Variants in MAP4K4 observed in about 807,000 individuals in gnomAD.
The protein encoded by MAP4K4 is mitogen-activated protein kinase kinase kinase kinase 4.
In MAP4K4, 38 loss-of-function variants were observed where a neutral mutation model predicts 189.6. The observed-to-expected ratio is 0.20, with a 90% CI of 0.15 to 0.26. The LOEUF (loss-of-function observed/expected upper bound fraction) is 0.26. Among genes scored for constraint, MAP4K4 ranks in the 10% least tolerant of loss-of-function variants. The pLI is 1.00. For missense variants in MAP4K4, 1,054 were observed against 1,726.9 expected, an observed-to-expected ratio of 0.61 and a Z score of 6.91; for synonymous variants, 610 against 624.3, an observed-to-expected ratio of 0.98 and a Z score of 0.34.
intron 2 of MAP4K4, among the ~76,000 whole-genome samples, chr2:101,707,478 G>C (rs1352241064): frequency 6.6e-6 from 1 of 152,006 alleles, no homozygotes; most frequent in Non-Finnish European, 1.5e-5. Context: ...CAAAGTGCTG[G>C]GATTACAGGC....
At chr2:101,847,165 G>A (rs1189579964) in intron 12 of MAP4K4, among the ~76,000 whole-genome samples, 3 of 152,256 alleles carry the variant, frequency 2.0e-5, no homozygotes, top group Admixed American at 6.5e-5. Context: ...GGGTTGTAGC[G>A]CAACCTGTTA....
At chr2:101,818,094 A>T (rs1426017963) in intron 3 of MAP4K4, among the ~76,000 whole-genome samples, 4 of 152,136 alleles carry the variant, frequency 2.6e-5, no homozygotes, top group Non-Finnish European at 5.9e-5. Context: ...TGCTGGTTTC[A>T]TTGGTGTGGT....
At chr2:101,775,031 CCTCT>C (rs2150413147) in intron 2 of MAP4K4, among the ~76,000 whole-genome samples, 1 of 149,198 alleles carries the variant, frequency 6.7e-6, no homozygotes, top group South Asian at 2.1e-4. Context: ...TTTCCTATCC[CCTCT>C]TTTTTTTTTT....
intron 2 of MAP4K4, among the ~76,000 whole-genome samples, chr2:101,758,676 C>G (rs1241065768): frequency 6.6e-6 from 1 of 152,032 alleles, no homozygotes; most frequent in African/African-American, 2.4e-5. Context: ...CCGTAGCTTT[C>G]CTTTTAGGAG....
intron 2 of MAP4K4, among the ~76,000 whole-genome samples, chr2:101,717,247 C>G (rs2048900435): frequency 6.6e-6 from 1 of 152,096 alleles, no homozygotes; most frequent in Non-Finnish European, 1.5e-5. Context: ...TCATGCATAC[C>G]CAGCTGTCAG....
chr2:101,856,262 C>T, intron 13 of MAP4K4, 124 bp downstream of exon 13: 1 of 838,084 alleles, frequency 1.2e-6, no homozygotes, highest in South Asian at 2.2e-5. Context: ...TACACATATA[C>T]TTAGAACTTC....
intron 15 of MAP4K4, chr2:101,860,158 G>A: frequency 4.4e-6 from 2 of 456,690 alleles, no homozygotes; most frequent in Non-Finnish European, 8.1e-6. Flanking sequence ...TTAAAAATGT[G>A]GATGAGGGAA....
At chr2:101,834,281 T>C (rs2096678721) in intron 7 of MAP4K4, 128 bp from the exon 8 acceptor site, 1 of 510,430 alleles carries the variant, frequency 2.0e-6, no homozygotes, top group African/African-American at 2.0e-5. Flanking sequence ...ACAAATGTGC[T>C]TGTACTTTTA....
At chr2:101,777,134 G>A (rs1451769145) in intron 2 of MAP4K4, among the ~76,000 whole-genome samples, 1 of 152,160 alleles carries the variant, frequency 6.6e-6, no homozygotes, top group Non-Finnish European at 1.5e-5. Context: ...AGTGACTGAA[G>A]AAGGTGTGTG....
chr2:101,726,492 TTAAG>T (rs1292968142), intron 2 of MAP4K4, among the ~76,000 whole-genome samples: 1 of 152,226 alleles, frequency 6.6e-6, no homozygotes, highest in Admixed American at 6.5e-5. Context: ...TTATTACTAG[TTAAG>T]TATCAGCTAA....
intron 5 of MAP4K4, among the ~76,000 whole-genome samples, chr2:101,828,431 C>G (rs1239066271): frequency 6.6e-6 from 1 of 152,158 alleles, no homozygotes; most frequent in Non-Finnish European, 1.5e-5. Flanking sequence ...GCTTTTTTCT[C>G]TAGTCAGTGC....
intron 2 of MAP4K4, among the ~76,000 whole-genome samples, chr2:101,772,056 G>A (rs911819221): frequency 6.6e-6 from 1 of 152,252 alleles, no homozygotes; most frequent in African/African-American, 2.4e-5. Context: ...TTGTCCCTGT[G>A]CTGTGTGATT....
chr2:101,724,479 G>C (rs1439040370), intron 2 of MAP4K4, among the ~76,000 whole-genome samples: 1 of 152,170 alleles, frequency 6.6e-6, no homozygotes, highest in Non-Finnish European at 1.5e-5. Context: ...AGCCGTTTCT[G>C]AAACCTCTAA....
chr2:101,893,050 C>T (rs747719762), exon 33 of MAP4K4: 4 of 456,454 alleles, frequency 8.8e-6, no homozygotes, highest in Middle Eastern at 6.5e-4. Context: ...GATTTTCCCT[C>T]TGCTCCCACC....
intron 2 of MAP4K4, among the ~76,000 whole-genome samples, chr2:101,787,368 C>T (rs770408098): frequency 3.3e-5 from 5 of 152,204 alleles, no homozygotes; most frequent in Non-Finnish European, 5.9e-5. Context: ...TCCTTAAGTT[C>T]CCAGCATAAT....
intron 2 of MAP4K4, among the ~76,000 whole-genome samples, chr2:101,701,952 G>A (rs2039062501): frequency 6.6e-6 from 1 of 152,060 alleles, no homozygotes; most frequent in Admixed American, 6.5e-5. Context: ...TGTAACCTCC[G>A]TCTCCCGGGT....
chr2:101,860,157 T>C, intron 15 of MAP4K4: 1 of 459,948 alleles, frequency 2.2e-6, no homozygotes, highest in South Asian at 2.3e-5. Flanking sequence ...CTTAAAAATG[T>C]GGATGAGGGA....
chr2:101,748,640 C>G (rs1483807895), intron 2 of MAP4K4, among the ~76,000 whole-genome samples: 2 of 152,060 alleles, frequency 1.3e-5, no homozygotes, highest in African/African-American at 4.8e-5. Context: ...AAAACCCCAT[C>G]TCTACAAAAA....
intron 2 of MAP4K4, among the ~76,000 whole-genome samples, chr2:101,741,491 A>G (rs2062812701): frequency 6.6e-6 from 1 of 152,026 alleles, no homozygotes; most frequent in South Asian, 2.1e-4. Flanking sequence ...TTTCTTAAGG[A>G]TATCGCAGAC....
Sources: allele counts gnomAD v4.1 joint callset (sites outside exome capture counted in the v4.1 genomes callset), GRCh38; gene constraint gnomAD v4.1.1; transcripts MANE v1.5; gene names NCBI Gene and HGNC (gene_info 2026-07-23, HGNC 2026-07-21).